RPF1: variants seen among roughly 807,000 people sequenced by gnomAD.
RPF1 encodes the protein ribosome production factor 1.
Under a neutral mutation model 41.9 loss-of-function variants are expected in RPF1, and 34 were observed. The observed-to-expected ratio is 0.81, with a 90% CI of 0.62 to 1.08. RPF1 has a LOEUF of 1.08. Ranked by LOEUF, RPF1 falls within the 50% of genes least tolerant of loss-of-function variation. The pLI, the probability that RPF1 is intolerant of heterozygous loss-of-function variation, is 0.00. For synonymous variants in RPF1, 140 were observed against 148.9 expected (o/e 0.94, Z 0.43); for missense variants, 425 against 435.2 (o/e 0.98, Z 0.21).
Position 84,495,409 on chromosome 1 carries a change from C to G in RPF1, c.653C>G (p.Thr218Ser). The change falls in exon 6 of 9, where the codon ACT becomes AGT. Residue 218 changes from threonine to serine, a missense_variant. Coordinates refer to ENST00000370654, the MANE Select transcript of RPF1 (RefSeq NM_025065.7). ...LILSHLPNGP[T>S]AHFKMSSVRL... ...TTGAGTCACTTGCCAAATGGCCCAA[C>G]TGCTCATTTTAAAATGAGCAGTGTT... The G allele has an allele frequency of 2.6e-6, 4 of 1,542,318 alleles. No individual in the cohort carries two copies. In the South Asian group the frequency reaches 4.7e-5, roughly 18 times the overall value.
At chr1:84,484,764 C>T (rs2101883357) in intron 3 of RPF1, among the ~76,000 whole-genome samples, 1 of 151,252 alleles carries the variant, frequency 6.6e-6, no homozygotes, top group East Asian at 2.0e-4. Context: ...CGGCTCACTG[C>T]AACCTCTGCC....
intron 3 of RPF1, among the ~76,000 whole-genome samples, chr1:84,488,242 T>C (rs1202369609): frequency 6.6e-6 from 1 of 152,152 alleles, no homozygotes; most frequent in East Asian, 1.9e-4. Flanking sequence ...ATAATATATA[T>C]TTACTTAGGT....
chr1:84,494,586 T>C (rs1311441177), intron 5 of RPF1, among the ~76,000 whole-genome samples: 3 of 152,188 alleles, frequency 2.0e-5, no homozygotes, highest in Non-Finnish European at 4.4e-5. Context: ...AAAGTAAAGG[T>C]GTTTCAAGTG....
At chr1:84,496,180 G>T in intron 7 of RPF1, 64 bp from the exon 8 acceptor site, 1 of 1,512,398 alleles carries the variant, frequency 6.6e-7, no homozygotes. Flanking sequence ...ATTATCTTTT[G>T]AACCCTGTCA....
At chr1:84,488,990 T>C (rs1168285216) in intron 3 of RPF1, among the ~76,000 whole-genome samples, 9 of 152,090 alleles carry the variant, frequency 5.9e-5, no homozygotes, top group Non-Finnish European at 1.2e-4. Flanking sequence ...AAGATATCTA[T>C]TCTCTTAGTC....
At chr1:84,490,285 A>C in intron 4 of RPF1, 34 bp from the exon 5 acceptor site, 1 of 1,441,540 alleles carries the variant, frequency 6.9e-7, no homozygotes, top group South Asian at 1.4e-5. Flanking sequence ...CTTTTTTGAA[A>C]ACTATTCAAA....
intron 5 of RPF1, among the ~76,000 whole-genome samples, chr1:84,490,961 AAG>A (rs1468106528): frequency 1.3e-5 from 2 of 152,184 alleles, no homozygotes; most frequent in Non-Finnish European, 2.9e-5. Flanking sequence ...ACCATTTGGA[AAG>A]AGAGGAAGGA....
Position 84,489,676 on chromosome 1 carries a change from A to C in RPF1, c.410A>C (p.Asn137Thr), listed in dbSNP as rs751917597. Residue 137 changes from asparagine (N) to threonine (T), a missense_variant, in exon 4 of 9, where the codon AAC (asparagine) becomes ACC (threonine). By Grantham distance (65) the Asn-to-Thr change is moderately conservative. Transcript: ENST00000370654. ...EATDEFASYF[N>T]KQTSPKILIT... ...ACAGATGAATTTGCTTCTTACTTCAACAAACAGACTTCTCCCAAGATTCTC... is the reference window on the plus strand; with the variant it reads ...ACAGATGAATTTGCTTCTTACTTCACCAAACAGACTTCTCCCAAGATTCTC... 5.6e-6 allele frequency: 9 copies of C among 1,610,554 alleles called. No homozygotes were observed. Among genetic ancestry groups the C allele is most frequent in the Non-Finnish European group, 7.6e-6 (9 of 1,177,020 alleles).
intron 8 of RPF1, among the ~76,000 whole-genome samples, chr1:84,497,172 A>T (rs1400272796): frequency 2.0e-5 from 3 of 150,602 alleles, no homozygotes; most frequent in Non-Finnish European, 3.0e-5. Flanking sequence ...GCATGGCCTA[A>T]AACATCCTTT....
intron 5 of RPF1, among the ~76,000 whole-genome samples, chr1:84,492,470 A>G (rs945339728): frequency 6.6e-6 from 1 of 152,160 alleles, no homozygotes; most frequent in Admixed American, 6.5e-5. Flanking sequence ...TCAAATACAG[A>G]TTCCATTATT....
Position 84,482,897 on chromosome 1 carries a change from C to A in RPF1, c.286-18C>A. 1 of 1,512,628 alleles carries A rather than the reference C, an allele frequency of 6.6e-7. No individual in the cohort carries two copies. Among genetic ancestry groups the A allele is most frequent in the Non-Finnish European group, 9.1e-7 (1 of 1,094,046 alleles). The allele number at this position is 1,512,628 out of a possible 1,614,324, so 93.7% of individuals were successfully genotyped here. On this transcript the variant is annotated intron_variant, in intron 2 of 8. Coordinates refer to ENST00000370654, the MANE Select transcript of RPF1 (RefSeq NM_025065.7). ...ATGTAAAATCCTTCTAAAATGTAAT[C>A]CCTTCTCTTTTACTTAGGCTCCACC...
chr1:84,489,690 C>A lies in RPF1; in HGVS notation c.424C>A (p.Pro142Thr). The change falls in exon 4 of 9, where the codon CCC (proline) becomes ACC (threonine). Residue 142 changes from proline to threonine, a missense_variant. Coordinates refer to ENST00000370654, the MANE Select transcript of RPF1 (RefSeq NM_025065.7). ...FASYFNKQTS[P>T]KILITTSDRP... ...TTCTTACTTCAACAAACAGACTTCTCCCAAGATTCTCATCACAACATCAGA... is the reference window on the plus strand; with the variant it reads ...TTCTTACTTCAACAAACAGACTTCTACCAAGATTCTCATCACAACATCAGA... 6.2e-7 allele frequency: 1 copy of A among 1,608,768 alleles called. No homozygotes were observed. The highest frequency in any genetic ancestry group is 1.1e-5 in the South Asian group (1 of 90,938).
Position 84,495,984 on chromosome 1 carries a change from C to T in RPF1, c.802C>T (p.Pro268Ser), listed in dbSNP as rs1184264196. Residue 268 changes from proline (P) to serine (S), a missense_variant, in exon 7 of 9, where the codon CCT becomes TCT. Coordinates refer to ENST00000370654, the MANE Select transcript of RPF1 (RefSeq NM_025065.7). ...SIGRMFASLF[P>S]HNPQFIGRQV... ...TGGACGTATGTTTGCATCTCTCTTT[C>T]CTCATAATCCTCAATTTATCGGAAG... The T allele has an allele frequency of 1.1e-5, 18 of 1,610,130 alleles. No homozygotes were observed. Among genetic ancestry groups the T allele is most frequent in the Non-Finnish European group, 1.5e-5 (18 of 1,176,550 alleles).
chr1:84,490,475 AT>A lies in RPF1; in HGVS notation c.616+4del. The A allele has an allele frequency of 6.4e-7, 1 of 1,561,858 alleles. No homozygotes were observed. The highest frequency in any genetic ancestry group is 8.6e-7 in the Non-Finnish European group (1 of 1,162,526). ...TAATGAAGATCGTAAAACCCCAAGT[AT>A]CCTTTTTTTTTTTAAGGAGGTTTTC... On this transcript the variant is annotated splice_donor_region_variant and intron_variant, in intron 5 of 8. Coordinates refer to ENST00000370654, the MANE Select transcript of RPF1 (RefSeq NM_025065.7).
At chr1:84,484,316 A>G (rs1276370453) in intron 3 of RPF1, among the ~76,000 whole-genome samples, 1 of 151,808 alleles carries the variant, frequency 6.6e-6, no homozygotes, top group Non-Finnish European at 1.5e-5. Context: ...TATATATCTC[A>G]TTTTGTTTTT....
chr1:84,495,536 CTAATT>C (rs1321714990), intron 6 of RPF1, 81 bp downstream of exon 6: 3 of 669,312 alleles, frequency 4.5e-6, no homozygotes, highest in Non-Finnish European at 7.5e-6. Flanking sequence ...TCTTATAGCT[CTAATT>C]TATTTTAATA....
Position 84,490,473 on chromosome 1 carries a change from G to T in RPF1, c.616+1G>T. The T allele has an allele frequency of 1.3e-6, 2 of 1,561,392 alleles. No individual in the cohort carries two copies. The highest frequency in any genetic ancestry group is 2.3e-5 in the East Asian group (1 of 43,522). On this transcript the variant is annotated splice_donor_variant, in intron 5 of 8. Coordinates refer to ENST00000370654, the MANE Select transcript of RPF1 (RefSeq NM_025065.7). LOFTEE classifies it high-confidence loss of function. Reference sequence around the variant, plus strand: ...ATTAATGAAGATCGTAAAACCCCAAGTATCCTTTTTTTTTTTAAGGAGGTT... The same window carrying T: ...ATTAATGAAGATCGTAAAACCCCAATTATCCTTTTTTTTTTTAAGGAGGTT...
chr1:84,483,217 C>A (rs986657620), intron 3 of RPF1: 2 of 515,536 alleles, frequency 3.9e-6, no homozygotes, highest in Non-Finnish European at 7.0e-6. Context: ...TAAACTTTTA[C>A]ATTTGTCATA....
At position 84,483,337 on chromosome 1, in the gene RPF1, G is replaced by C. The variant is rs1221957376; in HGVS notation, c.366+342G>C. 1.5e-5 allele frequency: 3 copies of C among 196,822 alleles called. No homozygotes were observed. The Admixed American group carries it at 1.7e-4, about 11-fold the overall frequency. The allele number at this position is 196,822 out of a possible 1,614,324, so 12.2% of individuals were successfully genotyped here. The stretch of plus-strand genomic sequence containing the variant: ...GCTGGAGTGCAGTGGTGTGATCTCG[G>C]CTCACTGCACCCTCTGCCTCCCAGG... On this transcript the variant is annotated intron_variant, in intron 3 of 8. Coordinates refer to ENST00000370654, the MANE Select transcript of RPF1 (RefSeq NM_025065.7).
Sources: gnomAD v4.1 joint callset for allele counts (sites outside exome capture counted in the v4.1 genomes callset) on GRCh38, gnomAD v4.1.1 for gene constraint, MANE v1.5 for transcripts, NCBI Gene and HGNC (gene_info 2026-07-23, HGNC 2026-07-21) for gene names.